Variants in GRAMD1B observed in about 807,000 individuals in gnomAD.
GRAMD1B encodes GRAM domain containing 1B, also known as protein Aster-B.
In GRAMD1B, 37 loss-of-function variants were observed where a neutral mutation model predicts 99.7. The observed-to-expected ratio is 0.37, with a 90% confidence interval of 0.29 to 0.49. The LOEUF is 0.49. Ranked by LOEUF, GRAMD1B falls within the 20% of genes least tolerant of loss-of-function variation. The probability of loss-of-function intolerance (pLI) is 0.98; values close to 1 mark genes in which losing one functional copy is unlikely to be tolerated. For missense variants in GRAMD1B, 888 were observed against 1,009.2 expected, an observed-to-expected ratio of 0.88 and a Z score of 1.63; for synonymous variants, 427 against 387.6, an observed-to-expected ratio of 1.10 and a Z score of -1.19.
In GRAMD1B at chr11:123,608,646, CTCT is replaced by C; in HGVS notation, c.1514-9_1514-7del. On this transcript the variant is annotated splice_polypyrimidine_tract_variant and intron_variant, in intron 11 of 19. Transcript: ENST00000635736. ...CTGTCACTGTCTACTTCCTGATCCT[CTCT>C]TCTGTGCAGGAGAGGTCCAGGCCTT... 6.3e-7 allele frequency: 1 copy of C among 1,576,080 alleles called. No homozygotes were observed. The highest frequency in any genetic ancestry group is 8.6e-7 in the Non-Finnish European group (1 of 1,159,834).
chr11:123,588,586 G>T (rs1292076436), intron 4 of GRAMD1B, among the ~76,000 whole-genome samples: 1 of 152,168 alleles, frequency 6.6e-6, no homozygotes, highest in African/African-American at 2.4e-5. Context: ...GAGGCATTCT[G>T]ATCACCTTGG....
intron 1 of GRAMD1B, among the ~76,000 whole-genome samples, chr11:123,469,584 G>T (rs1950883431): frequency 6.6e-6 from 1 of 152,186 alleles, no homozygotes; most frequent in African/African-American, 2.4e-5. Context: ...GAATTCAGTG[G>T]TGGGAATGCT....
In GRAMD1B at chr11:123,521,720, G is replaced by A. The variant is rs998811775; in HGVS notation, c.452+40827G>A. On this transcript the variant is annotated intron_variant, in intron 2 of 19. Coordinates refer to ENST00000635736, the MANE Select transcript of GRAMD1B (RefSeq NM_001387025.1). The stretch of plus-strand genomic sequence containing the variant: ...GAATTTTCCTTTTAGTTCCTGGGCA[G>A]CATTTGTACATTTCTTTCAAGTTTA... Among the ~76,000 whole-genome samples the A allele has an allele frequency of 5.3e-5, 8 of 152,346 alleles. No homozygotes were observed. The East Asian group carries it at 1.4e-3, about 26-fold the overall frequency.
intron 2 of GRAMD1B, among the ~76,000 whole-genome samples, chr11:123,495,455 C>T (rs1033033146): frequency 6.6e-6 from 1 of 152,026 alleles, no homozygotes; most frequent in Admixed American, 6.6e-5. Flanking sequence ...TTAAAATGTA[C>T]AATGATTATT....
chr11:123,489,064 A>T (rs2846315), intron 2 of GRAMD1B, among the ~76,000 whole-genome samples: 1 of 151,736 alleles, frequency 6.6e-6, no homozygotes, highest in Non-Finnish European at 1.5e-5. Context: ...CACTGGACTA[A>T]GGGGAGAGAA....
rs562014587 is a variant in GRAMD1B at position 123,476,676 on chromosome 11, G to A, written c.375-4140G>A. On this transcript the variant is annotated intron_variant, in intron 1 of 19. Coordinates refer to ENST00000635736, the MANE Select transcript of GRAMD1B (RefSeq NM_001387025.1). ...GTGAATATTTGTATGTCTTAGACTG[G>A]GAGCTCTTTGCTGGAGAGACCTTGT... Among the ~76,000 whole-genome samples, 3 of 152,302 alleles carry A rather than the reference G, an allele frequency of 2.0e-5. No individual in the cohort carries two copies. In the South Asian group the frequency reaches 6.2e-4, roughly 32 times the overall value.
exon 1 of GRAMD1B, chr11:123,358,739 C>T (rs1946036933): frequency 2.6e-5 from 4 of 152,758 alleles, no homozygotes; most frequent in Admixed American, 2.0e-4. Flanking sequence ...GCCGTGGACG[C>T]CGCTGACCGC....
intron 6 of GRAMD1B, among the ~76,000 whole-genome samples, 188 bp from the exon 7 acceptor site, chr11:123,595,754 C>G (rs1451529546): frequency 1.3e-5 from 2 of 152,190 alleles, no homozygotes; most frequent in Non-Finnish European, 2.9e-5. Flanking sequence ...GGCTCAGTCC[C>G]CACTTTGCTG....
chr11:123,615,564 A>G (rs1404601782), intron 17 of GRAMD1B, among the ~76,000 whole-genome samples: 4 of 152,208 alleles, frequency 2.6e-5, no homozygotes, highest in Non-Finnish European at 5.9e-5. Context: ...AGGCGCCTGT[A>G]GTCCCAGCTA....
At chr11:123,544,785 CA>C (rs989627482) in intron 2 of GRAMD1B, among the ~76,000 whole-genome samples, 7 of 152,254 alleles carry the variant, frequency 4.6e-5, no homozygotes, top group Non-Finnish European at 2.9e-5. Context: ...CCCAAAGTGC[CA>C]AAAAGGCAGC....
intron 1 of GRAMD1B, among the ~76,000 whole-genome samples, chr11:123,442,678 G>C (rs1949462309): frequency 6.6e-6 from 1 of 152,172 alleles, no homozygotes; most frequent in Non-Finnish European, 1.5e-5. Flanking sequence ...GTTGAGGTGG[G>C]AGAATTGCTT....
chr11:123,371,229 A>G (rs1290815576), intron 1 of GRAMD1B, among the ~76,000 whole-genome samples: 1 of 152,146 alleles, frequency 6.6e-6, no homozygotes, highest in Admixed American at 6.5e-5. Context: ...GAAAGGCTGT[A>G]AAAATCCAGG....
chr11:123,404,287 C>G (rs764689683), intron 1 of GRAMD1B, among the ~76,000 whole-genome samples: 3 of 151,894 alleles, frequency 2.0e-5, no homozygotes, highest in Non-Finnish European at 4.4e-5. Flanking sequence ...TGTTGCAAAA[C>G]AGTAATCTTC....
At chr11:123,489,456 CAAAG>C (rs757405400) in intron 2 of GRAMD1B, among the ~76,000 whole-genome samples, 11 of 151,956 alleles carry the variant, frequency 7.2e-5, no homozygotes, top group Non-Finnish European at 1.5e-4. Flanking sequence ...AAGCAGAAGA[CAAAG>C]GAAGGAAGAA....
At chr11:123,471,508 G>T (rs190326144) in intron 1 of GRAMD1B, among the ~76,000 whole-genome samples, 6 of 152,314 alleles carry the variant, frequency 3.9e-5, no homozygotes, top group African/African-American at 1.4e-4. Flanking sequence ...AGTGAAAGTA[G>T]GACAAAACGC....
At chr11:123,421,112 C>T (rs1204136917) in intron 1 of GRAMD1B, among the ~76,000 whole-genome samples, 1 of 152,166 alleles carries the variant, frequency 6.6e-6, no homozygotes, top group African/African-American at 2.4e-5. Flanking sequence ...AGTTGTATAT[C>T]AATCAAGTAA....
chr11:123,542,124 G>T (rs940617694), intron 2 of GRAMD1B, among the ~76,000 whole-genome samples: 2 of 152,164 alleles, frequency 1.3e-5, no homozygotes, highest in Non-Finnish European at 2.9e-5. Context: ...TCCTTAGTAG[G>T]TTGGTTTGAG....
intron 1 of GRAMD1B, among the ~76,000 whole-genome samples, chr11:123,424,325 G>T (rs1024605418): frequency 2.7e-5 from 4 of 150,286 alleles, no homozygotes; most frequent in Non-Finnish European, 4.4e-5. Flanking sequence ...CTTGCCTAAA[G>T]AATAAAATCT....
chr11:123,397,923 T>C (rs1407247504), intron 1 of GRAMD1B, among the ~76,000 whole-genome samples: 1 of 152,344 alleles, frequency 6.6e-6, no homozygotes, highest in Non-Finnish European at 1.5e-5. Flanking sequence ...AGTAGCTTGT[T>C]CCTTTTTATT....
Sources: gnomAD v4.1 joint callset for allele counts (sites outside exome capture counted in the v4.1 genomes callset) on GRCh38, gnomAD v4.1.1 for gene constraint, MANE v1.5 for transcripts, NCBI Gene and HGNC (gene_info 2026-07-23, HGNC 2026-07-21) for gene names.